KIAA1217: variants seen among roughly 807,000 people sequenced by gnomAD.
KIAA1217 encodes the protein KIAA1217, also known as sickle tail protein homolog.
KIAA1217 carries 88 observed loss-of-function variants against 163.9 expected under a neutral mutation model. The ratio of observed to expected loss-of-function variants is 0.54; its 90% confidence interval spans 0.45 to 0.64. The LOEUF (loss-of-function observed/expected upper bound fraction) is 0.64. KIAA1217 is among the 30% of genes least tolerant of loss of function. The pLI is 0.00. For synonymous variants in KIAA1217, 903 were observed against 923.1 expected, an observed-to-expected ratio of 0.98 and a Z score of 0.39; for missense variants, 2,372 against 2,475.0, an observed-to-expected ratio of 0.96 and a Z score of 0.88.
rs371832921 is a variant in KIAA1217, at chr10:24,543,914, C to T, written c.4644C>T (p.His1548=). The T allele has an allele frequency of 1.4e-5, 23 of 1,614,014 alleles. No homozygotes were observed. The highest frequency in any genetic ancestry group is 1.7e-5 in the Non-Finnish European group (20 of 1,180,000). ...MNRTELNKFS[H]VDSPNSECKG... ...GAACGGAGCTGAACAAGTTCAGCCA[C>T]GTGGATTCTCCAAATTCGGAATGCA... The change falls in exon 19 of 21, where the codon CAC becomes CAT. Residue 1548 remains histidine, a synonymous_variant. Transcript: ENST00000376454.
At chr10:23,987,376 CAA>C (rs34281134) in intron 1 of KIAA1217, among the ~76,000 whole-genome samples, 3 of 93,570 alleles carry the variant, frequency 3.2e-5, no homozygotes, top group Non-Finnish European at 6.4e-5. Context: ...GACTCCATCT[CAA>C]AAAAAAAAAA....
intron 6 of KIAA1217, among the ~76,000 whole-genome samples, chr10:24,478,961 A>T (rs2133237472): frequency 6.6e-6 from 1 of 152,316 alleles, no homozygotes; most frequent in Non-Finnish European, 1.5e-5. Flanking sequence ...ATTTTTCAGG[A>T]CCCAGTAAAC....
intron 1 of KIAA1217, among the ~76,000 whole-genome samples, chr10:23,945,390 C>G (rs1457755461): frequency 1.3e-5 from 2 of 152,034 alleles, no homozygotes; most frequent in Non-Finnish European, 2.9e-5. Context: ...TGTATTATTC[C>G]ATTAATATGA....
intron 1 of KIAA1217, among the ~76,000 whole-genome samples, chr10:23,821,104 C>T (rs7086915): frequency 0.02 from 2,918 of 143,158 alleles, 42 homozygotes; most frequent in South Asian, 0.077. Context: ...TGTGTGTGTG[C>T]GTGTGTGTGT....
intron 2 of KIAA1217, among the ~76,000 whole-genome samples, chr10:24,292,639 T>G (rs1564417129): frequency 6.6e-6 from 1 of 152,212 alleles, no homozygotes; most frequent in Non-Finnish European, 1.5e-5. Flanking sequence ...GGAATTACAT[T>G]TATAGCTAAT....
intron 1 of KIAA1217, among the ~76,000 whole-genome samples, chr10:23,957,972 G>A (rs563966873): frequency 6.6e-6 from 1 of 152,120 alleles, no homozygotes; most frequent in Admixed American, 6.5e-5. Context: ...TTTCCTATTC[G>A]ACAAATAAAT....
intron 2 of KIAA1217, among the ~76,000 whole-genome samples, chr10:24,140,071 G>A (rs549125913): frequency 6.6e-6 from 1 of 151,788 alleles, no homozygotes; most frequent in Admixed American, 6.6e-5. Context: ...ATCACTTTAT[G>A]GCAATGGGCC....
At chr10:24,426,980 G>A (rs116825669) in intron 3 of KIAA1217, among the ~76,000 whole-genome samples, 2,859 of 152,242 alleles carry the variant, frequency 0.019, 91 homozygotes, top group African/African-American at 0.065. Flanking sequence ...ATTCTGAGAC[G>A]CAAAAGATAA....
chr10:23,984,940 C>T (rs536286060), intron 1 of KIAA1217, among the ~76,000 whole-genome samples: 9 of 151,126 alleles, frequency 6.0e-5, no homozygotes, highest in Non-Finnish European at 8.9e-5. Flanking sequence ...AAAAAAAAAG[C>T]CTTGAATGTT....
At chr10:23,993,794 G>T (rs1846337302) in intron 1 of KIAA1217, among the ~76,000 whole-genome samples, 1 of 151,836 alleles carries the variant, frequency 6.6e-6, no homozygotes, top group Non-Finnish European at 1.5e-5. Context: ...TGGCCAGGCT[G>T]GTCTTGAACT....
At chr10:24,435,427 G>A (rs1396324445) in intron 4 of KIAA1217, among the ~76,000 whole-genome samples, 1 of 152,194 alleles carries the variant, frequency 6.6e-6, no homozygotes, top group Non-Finnish European at 1.5e-5. Context: ...ACATGGAGCT[G>A]CCAGTTACAA....
chr10:24,192,236 G>A (rs2066756038), intron 2 of KIAA1217, among the ~76,000 whole-genome samples: 1 of 152,184 alleles, frequency 6.6e-6, no homozygotes, highest in African/African-American at 2.4e-5. Context: ...AATGAACTTA[G>A]GGACTCAGCG....
chr10:24,380,727 A>C, intron 2 of KIAA1217, 142 bp from the exon 3 acceptor site: 1 of 487,882 alleles, frequency 2.0e-6, no homozygotes, highest in Non-Finnish European at 3.4e-6. Context: ...CTGGGTCTTT[A>C]GTTTTCCCTA....
chr10:23,857,594 A>C (rs1239788986), intron 1 of KIAA1217, among the ~76,000 whole-genome samples: 1 of 152,212 alleles, frequency 6.6e-6, no homozygotes, highest in African/African-American at 2.4e-5. Flanking sequence ...GTATTAAATC[A>C]GAAGGTCTAG....
chr10:23,895,388 A>G (rs1841631902), intron 1 of KIAA1217, among the ~76,000 whole-genome samples: 1 of 152,218 alleles, frequency 6.6e-6, no homozygotes, highest in Non-Finnish European at 1.5e-5. Context: ...AAACACATGA[A>G]AAAATGCTCA....
At chr10:24,450,014 C>G (rs2061266622) in intron 5 of KIAA1217, among the ~76,000 whole-genome samples, 1 of 152,154 alleles carries the variant, frequency 6.6e-6, no homozygotes, top group Non-Finnish European at 1.5e-5. Flanking sequence ...ATCTTGTGGT[C>G]TAGTTTCTGG....
chr10:24,251,470 G>A (rs1218017152), intron 2 of KIAA1217, among the ~76,000 whole-genome samples: 2 of 151,048 alleles, frequency 1.3e-5, no homozygotes, highest in Admixed American at 1.3e-4. Flanking sequence ...CCTGGCCTGG[G>A]GTCAGTTTCT....
chr10:24,253,089 T>G (rs2074744224), intron 2 of KIAA1217, among the ~76,000 whole-genome samples: 1 of 151,052 alleles, frequency 6.6e-6, no homozygotes, highest in Non-Finnish European at 1.5e-5. Context: ...TGGGAAGAGG[T>G]GCACACAGCA....
At chr10:24,265,084 G>A (rs536426352) in intron 2 of KIAA1217, among the ~76,000 whole-genome samples, 4 of 152,136 alleles carry the variant, frequency 2.6e-5, no homozygotes, top group Non-Finnish European at 5.9e-5. Flanking sequence ...GGCTGGTCTC[G>A]AACTCCTGGG....
Sources: allele counts gnomAD v4.1 joint callset (sites outside exome capture counted in the v4.1 genomes callset), GRCh38; gene constraint gnomAD v4.1.1; transcripts MANE v1.5; gene names NCBI Gene and HGNC (gene_info 2026-07-23, HGNC 2026-07-21).